TJP1: variants seen among roughly 807,000 people sequenced by gnomAD.
TJP1 encodes tight junction protein 1, also known as tight junction protein ZO-1.
TJP1 carries 43 observed loss-of-function variants against 194.2 expected under a neutral mutation model. The ratio of observed to expected loss-of-function variants is 0.22; its 90% CI spans 0.17 to 0.29. The LOEUF (loss-of-function observed/expected upper bound fraction) is 0.29, where lower values mean the gene tolerates loss of function less well. TJP1 is among the 10% of genes least tolerant of loss of function. TJP1 has a pLI of 1.00. For missense variants in TJP1, 1,971 were observed against 2,185.7 expected (o/e 0.90, Z 1.96); for synonymous variants, 801 against 779.0 (o/e 1.03, Z -0.47).
intron 2 of TJP1, among the ~76,000 whole-genome samples, chr15:29,797,439 T>C (rs527816306): frequency 3.9e-5 from 6 of 152,234 alleles, no homozygotes; most frequent in Admixed American, 3.9e-4. Flanking sequence ...CTTGAGCCAC[T>C]ACACCTGGCC....
intron 2 of TJP1, among the ~76,000 whole-genome samples, chr15:29,863,428 C>A (rs910786191): frequency 6.6e-6 from 1 of 152,178 alleles, no homozygotes; most frequent in African/African-American, 2.4e-5. Context: ...GAGTCCTCAG[C>A]TCACAACGAG....
chr15:29,770,766 G>A (rs1395124863), intron 4 of TJP1, among the ~76,000 whole-genome samples: 2 of 151,682 alleles, frequency 1.3e-5, no homozygotes, highest in Non-Finnish European at 2.9e-5. Context: ...TATTACGAGA[G>A]TCAAAAAGTT....
chr15:29,958,587 A>C (rs1456214721), intron 1 of TJP1, among the ~76,000 whole-genome samples: 1 of 151,724 alleles, frequency 6.6e-6, no homozygotes, highest in Non-Finnish European at 1.5e-5. Flanking sequence ...TATTAGGGAA[A>C]CTCTAACTCT....
intron 19 of TJP1, 57 bp from the exon 20 acceptor site, chr15:29,720,073 A>G: frequency 6.5e-7 from 1 of 1,529,712 alleles, no homozygotes; most frequent in South Asian, 1.3e-5. Flanking sequence ...CTAACTTTCC[A>G]CTTCAATTTA....
At chr15:29,741,125 A>C (rs895365876) in intron 10 of TJP1, 26 of 429,488 alleles carry the variant, frequency 6.1e-5, no homozygotes, top group African/African-American at 8.4e-5. Flanking sequence ...GGTGAGAAAG[A>C]AAGCATCCAA....
chr15:29,941,125 A>G (rs1292661097), intron 2 of TJP1, among the ~76,000 whole-genome samples: 5 of 152,014 alleles, frequency 3.3e-5, no homozygotes, highest in Non-Finnish European at 7.4e-5. Context: ...TAAAAGATGA[A>G]CTCTACTTCC....
intron 26 of TJP1, among the ~76,000 whole-genome samples, chr15:29,704,506 AG>A (rs749154223): frequency 6.6e-6 from 1 of 152,256 alleles, no homozygotes; most frequent in Non-Finnish European, 1.5e-5. Flanking sequence ...GAAAGTAAAA[AG>A]AAACAAGTGA....
chr15:29,934,182 T>G (rs2054811252), intron 2 of TJP1, among the ~76,000 whole-genome samples: 1 of 152,216 alleles, frequency 6.6e-6, no homozygotes, highest in South Asian at 2.1e-4. Context: ...TCCGGTTTCC[T>G]TAAAATAAGC....
chr15:29,838,518 T>C (rs1270348247), intron 2 of TJP1, among the ~76,000 whole-genome samples: 2 of 152,186 alleles, frequency 1.3e-5, no homozygotes, highest in Non-Finnish European at 2.9e-5. Context: ...ATACCTTACA[T>C]AACTCTAGAA....
chr15:29,882,183 ACCAAGTGAGC>A (rs2052959357), intron 2 of TJP1, among the ~76,000 whole-genome samples: 1 of 152,120 alleles, frequency 6.6e-6, no homozygotes, highest in Admixed American at 6.5e-5. Flanking sequence ...AACTAAAAAG[ACCAAGTGAGC>A]CCTTCATCAG....
intron 1 of TJP1, among the ~76,000 whole-genome samples, chr15:29,813,206 T>C (rs2049652474): frequency 6.6e-6 from 1 of 152,142 alleles, no homozygotes. Context: ...AAACATACTT[T>C]AGTATGACAA....
chr15:29,910,811 G>A (rs2053988549), intron 2 of TJP1, among the ~76,000 whole-genome samples: 2 of 152,072 alleles, frequency 1.3e-5, no homozygotes, highest in Non-Finnish European at 2.9e-5. Context: ...ACTTATACAC[G>A]GATTCTGCAT....
In TJP1 at chr15:29,720,007, C is replaced by A; in HGVS notation, c.2773G>T (p.Ala925Ser). ...FKPASQQKAE[A>S]SSPVPYLSPE... is the part of the protein sequence containing the mutation. ...GAAAGGTAAGGGACTGGAGATGAAG[C>A]TTCTGCTTTCTGTGAAGTGTTTAAA... Residue 925 changes from alanine (A) to serine (S), a missense_variant, in exon 20 of 28, where the codon GCT becomes TCT. By Grantham distance (99) the Ala-to-Ser change is moderately conservative (BLOSUM62 1). This residue lies in a region of TJP1 where 1,108 missense variants were observed against 1,128.5 expected (regional missense o/e 0.98). Coordinates refer to ENST00000614355, the MANE Select transcript of TJP1 (RefSeq NM_001330239.4). 6.2e-7 allele frequency: 1 copy of A among 1,603,958 alleles called. No individual in the cohort carries two copies. Among genetic ancestry groups the A allele is most frequent in the African/African-American group, 1.3e-5 (1 of 74,332 alleles).
At chr15:29,949,669 C>T (rs2055547027) in intron 2 of TJP1, among the ~76,000 whole-genome samples, 1 of 124,750 alleles carries the variant, frequency 8.0e-6, no homozygotes, top group Admixed American at 9.1e-5. Context: ...CCTCCACAAC[C>T]ACCACCTCCA....
At chr15:29,821,855 C>T (rs1335177497) in intron 1 of TJP1, 147 bp downstream of exon 1, 2 of 809,370 alleles carry the variant, frequency 2.5e-6, no homozygotes, top group East Asian at 2.6e-4. Flanking sequence ...CGGCCCGCGG[C>T]CCGCGGCCCC....
At chr15:29,794,213 G>A (rs575512711) in intron 2 of TJP1, among the ~76,000 whole-genome samples, 12 of 152,222 alleles carry the variant, frequency 7.9e-5, no homozygotes, top group African/African-American at 2.6e-4. Flanking sequence ...CATTCCTGGA[G>A]GGATGGCTGG....
intron 8 of TJP1, among the ~76,000 whole-genome samples, chr15:29,755,253 A>T (rs571638217): frequency 2.0e-5 from 3 of 152,306 alleles, no homozygotes; most frequent in African/African-American, 7.2e-5. Context: ...AGGTTTGTGT[A>T]AGTACACTCT....
chr15:29,705,207 G>C (rs1010606207), intron 26 of TJP1, among the ~76,000 whole-genome samples: 1 of 152,240 alleles, frequency 6.6e-6, no homozygotes, highest in Admixed American at 6.5e-5. Context: ...CCCATCTCCA[G>C]AGACGCAAAG....
intron 2 of TJP1, among the ~76,000 whole-genome samples, chr15:29,890,861 G>A (rs1487589979): frequency 6.6e-6 from 1 of 151,888 alleles, no homozygotes; most frequent in Non-Finnish European, 1.5e-5. Flanking sequence ...CTATAAATAA[G>A]AGACTCTGCC....
Sources: allele counts gnomAD v4.1 joint callset (sites outside exome capture counted in the v4.1 genomes callset), GRCh38; gene constraint gnomAD v4.1.1; regional missense constraint gnomAD v4.1.1; transcripts MANE v1.5; gene names NCBI Gene and HGNC (gene_info 2026-07-23, HGNC 2026-07-21).